The following TMEM132D variants were observed in gnomAD, a reference collection of about 807,000 sequenced individuals.
TMEM132D encodes the protein transmembrane protein 132D.
In TMEM132D, 21 loss-of-function variants were observed where a neutral mutation model predicts 62.3. That is an observed-to-expected ratio of 0.34 (90% CI 0.24 to 0.49). The LOEUF is 0.49. Ranked by LOEUF, TMEM132D falls within the 20% of genes least tolerant of loss-of-function variation. TMEM132D has a pLI of 0.99. For missense variants in TMEM132D, 1,346 were observed against 1,402.8 expected, an observed-to-expected ratio of 0.96 and a Z score of 0.65; for synonymous variants, 621 against 575.6, an observed-to-expected ratio of 1.08 and a Z score of -1.13.
At chr12:129,455,033 T>A (rs10773663) in intron 3 of TMEM132D, among the ~76,000 whole-genome samples, 119,535 of 152,212 alleles carry the variant, frequency 0.79, 47,358 homozygotes, top group East Asian at 0.99. Context: ...CATGTGGTAC[T>A]TCTGCAGCAG....
chr12:129,706,046 G>C (rs1881499211), intron 1 of TMEM132D, among the ~76,000 whole-genome samples: 3 of 151,988 alleles, frequency 2.0e-5, no homozygotes, highest in African/African-American at 7.2e-5. Flanking sequence ...ACTGAGGAGA[G>C]AGGACAGAAA....
intron 2 of TMEM132D, among the ~76,000 whole-genome samples, chr12:129,573,080 T>G (rs1244578492): frequency 1.3e-5 from 2 of 152,110 alleles, no homozygotes; most frequent in Non-Finnish European, 2.9e-5. Context: ...TCTGGTGGGC[T>G]CAGGAGAGCA....
intron 5 of TMEM132D, among the ~76,000 whole-genome samples, chr12:129,149,469 A>G (rs985522895): frequency 5.9e-5 from 9 of 152,146 alleles, no homozygotes; most frequent in African/African-American, 2.2e-4. Flanking sequence ...CATACCCCAC[A>G]TTTTTATGAC....
chr12:129,326,651 A>G (rs1283936617), intron 4 of TMEM132D, among the ~76,000 whole-genome samples: 1 of 152,202 alleles, frequency 6.6e-6, no homozygotes, highest in African/African-American at 2.4e-5. Flanking sequence ...GAAAATATTT[A>G]GTACCTGTCC....
intron 8 of TMEM132D, among the ~76,000 whole-genome samples, chr12:129,077,138 G>C (rs1874286916): frequency 6.6e-6 from 1 of 152,210 alleles, no homozygotes; most frequent in Non-Finnish European, 1.5e-5. Flanking sequence ...CTGGGAAAAT[G>C]GGAAGGCTCT....
intron 1 of TMEM132D, among the ~76,000 whole-genome samples, chr12:129,888,348 C>T (rs1874810954): frequency 1.3e-5 from 2 of 152,116 alleles, no homozygotes; most frequent in South Asian, 4.1e-4. Context: ...ACATAAAGCC[C>T]TCTTTTTGGT....
intron 5 of TMEM132D, chr12:129,111,090 G>A (rs555673596): frequency 6.6e-6 from 1 of 152,450 alleles, no homozygotes; most frequent in South Asian, 2.1e-4. Context: ...TATGTGCTCG[G>A]AGGGAGACCT....
At chr12:129,486,690 T>C (rs1204249822) in intron 3 of TMEM132D, among the ~76,000 whole-genome samples, 4 of 152,206 alleles carry the variant, frequency 2.6e-5, no homozygotes, top group Non-Finnish European at 2.9e-5. Context: ...CCCAGCACCA[T>C]AGAATGAGGT....
chr12:129,610,636 G>A (rs1878749088), intron 2 of TMEM132D, among the ~76,000 whole-genome samples: 1 of 152,022 alleles, frequency 6.6e-6, no homozygotes, highest in Non-Finnish European at 1.5e-5. Context: ...AGCCCAGATT[G>A]CTTGCATAGA....
intron 3 of TMEM132D, among the ~76,000 whole-genome samples, chr12:129,381,601 T>G (rs578155392): frequency 6.6e-6 from 1 of 152,320 alleles, no homozygotes; most frequent in Non-Finnish European, 1.5e-5. Context: ...ATTCTGTGGC[T>G]TTGAAGTGGA....
In TMEM132D at chr12:129,554,550, C is replaced by T. The variant is rs545827031; in HGVS notation, c.969-23345G>A. ...TGGTACAGTACTTTATGTTCATGAA[C>T]AGCCATGTGATTTTCTTCCTTCTTT... On this transcript the variant is annotated intron_variant, in intron 2 of 8. Transcript: ENST00000422113. Among the ~76,000 whole-genome samples, 5 of 152,230 alleles carry T rather than the reference C, an allele frequency of 3.3e-5. No individual in the cohort carries two copies. The South Asian group carries it at 1.0e-3, about 32-fold the overall frequency.
Position 129,073,757 on chromosome 12 carries a change from A to T in TMEM132D, c.*118T>A, listed in dbSNP as rs561245845. 3.2e-6 allele frequency: 3 copies of T among 942,184 alleles called. No individual in the cohort carries two copies. Among genetic ancestry groups the T allele is most frequent in the Admixed American group, 2.8e-5 (1 of 36,170 alleles). The allele number at this position is 942,184 out of a possible 1,614,324, so 58.4% of individuals were successfully genotyped here. A position where few individuals can be genotyped will look rare whatever the true frequency, so the allele number is the denominator to read the frequency against. The stretch of plus-strand genomic sequence containing the variant: ...GGGGTCATTGGCTGAGGCTGTATGG[A>T]TAGTGTCATCCTTATTTTGTCCTGC... On this transcript the variant is annotated 3_prime_UTR_variant, in exon 9 of 9. Transcript: ENST00000422113.
intron 4 of TMEM132D, among the ~76,000 whole-genome samples, chr12:129,217,343 C>A (rs886945381): frequency 8.5e-5 from 13 of 152,180 alleles, no homozygotes; most frequent in East Asian, 7.7e-4. Flanking sequence ...TAAGTGTGAG[C>A]TAAATGTTGA....
intron 4 of TMEM132D, among the ~76,000 whole-genome samples, chr12:129,282,763 A>G (rs537726621): frequency 6.6e-6 from 1 of 152,326 alleles, no homozygotes; most frequent in South Asian, 2.1e-4. Flanking sequence ...TGTACCCAGG[A>G]GACCTCAAGC....
At position 129,183,379 on chromosome 12, in the gene TMEM132D, T is replaced by C. The variant is rs4964843; in HGVS notation, c.1443+26141A>G. 1.8e-3 allele frequency among the ~76,000 whole-genome samples: 276 copies of C among 152,332 alleles called. 1 individual carries two copies. The highest frequency in any genetic ancestry group is 6.3e-3 in the African/African-American group (263 of 41,578). ...ATCCGTCATTATCTTCTGCCTATGG[T>C]CAAAGCTCTCTGTGGCCGAAAGCCA... On this transcript the variant is annotated intron_variant, in intron 5 of 8. Coordinates refer to ENST00000422113, the MANE Select transcript of TMEM132D (RefSeq NM_133448.3).
At chr12:129,612,204 G>A (rs1046172885) in intron 2 of TMEM132D, among the ~76,000 whole-genome samples, 1 of 152,164 alleles carries the variant, frequency 6.6e-6, no homozygotes, top group African/African-American at 2.4e-5. Context: ...ACTGAGCATG[G>A]GGGTGTCCTT....
intron 1 of TMEM132D, among the ~76,000 whole-genome samples, chr12:129,897,461 A>T: frequency 6.6e-6 from 1 of 152,136 alleles, no homozygotes; most frequent in Non-Finnish European, 1.5e-5. Flanking sequence ...GACCCTACAC[A>T]TGTTAGGGAC....
At chr12:129,749,449 G>T (rs1392566370) in intron 1 of TMEM132D, among the ~76,000 whole-genome samples, 6 of 136,508 alleles carry the variant, frequency 4.4e-5, no homozygotes, top group Non-Finnish European at 9.4e-5. Context: ...GTTTACAAAT[G>T]AAGTGAAAAG....
At chr12:129,354,219 A>T (rs1279194610) in intron 3 of TMEM132D, among the ~76,000 whole-genome samples, 1 of 152,052 alleles carries the variant, frequency 6.6e-6, no homozygotes, top group Non-Finnish European at 1.5e-5. Flanking sequence ...CCTCAAGGCC[A>T]ATAAGGAATA....
Sources: gnomAD v4.1 joint callset for allele counts (sites outside exome capture counted in the v4.1 genomes callset) on GRCh38, gnomAD v4.1.1 for gene constraint, MANE v1.5 for transcripts, NCBI Gene and HGNC (gene_info 2026-07-23, HGNC 2026-07-21) for gene names.